PGM3: variants seen among roughly 807,000 people sequenced by gnomAD.
PGM3 encodes phosphoglucomutase 3.
PGM3 carries 40 observed loss-of-function variants against 66.2 expected under a neutral mutation model. The ratio of observed to expected loss-of-function variants is 0.60; its 90% confidence interval spans 0.47 to 0.79. The LOEUF (loss-of-function observed/expected upper bound fraction) is 0.79. Among genes scored for constraint, PGM3 ranks in the 30% least tolerant of loss-of-function variants. PGM3 has a pLI of 0.00. For missense variants in PGM3, 537 were observed against 643.4 expected (o/e 0.83, Z 1.79); for synonymous variants, 191 against 224.2 (o/e 0.85, Z 1.32).
the PGM3 span, chr6:83,151,545 C>A: frequency 1.3e-6 from 2 of 1,506,006 alleles, no homozygotes; most frequent in Non-Finnish European, 1.8e-6. Context: ...GCATTAGTTT[C>A]TTTTAGCCTG....
At chr6:83,152,289 T>C in the PGM3 span, 2 of 1,548,246 alleles carry the variant, frequency 1.3e-6, no homozygotes, top group Non-Finnish European at 1.8e-6. Context: ...TATTTATAGA[T>C]ATGTTATCAC....
intron 8 of PGM3, among the ~76,000 whole-genome samples, chr6:83,176,299 G>A (rs966131042): frequency 3.9e-5 from 6 of 152,176 alleles, no homozygotes; most frequent in African/African-American, 9.7e-5. Flanking sequence ...TATAAGACAC[G>A]AAAGATTACA....
intron 10 of PGM3, among the ~76,000 whole-genome samples, chr6:83,173,437 T>G (rs988092998): frequency 6.6e-6 from 1 of 152,208 alleles, no homozygotes; most frequent in Non-Finnish European, 1.5e-5. Flanking sequence ...CCTTTTGAGA[T>G]ATTACCCCAC....
chr6:83,159,885 A>G (rs772697943), downstream of PGM3: 3 of 1,613,874 alleles, frequency 1.9e-6, no homozygotes, highest in African/African-American at 4.0e-5. Context: ...CGGTGGTTAA[A>G]CCTCTATCTC....
At chr6:83,191,052 T>A in intron 1 of PGM3, 38 bp from the exon 2 acceptor site, 1 of 1,580,002 alleles carries the variant, frequency 6.3e-7, no homozygotes, top group Admixed American at 1.7e-5. Context: ...GCATAACAAG[T>A]AATTTCTTAA....
downstream of PGM3, chr6:83,164,771 T>C (rs117358021): frequency 0.023 from 33,804 of 1,477,768 alleles, 477 homozygotes; most frequent in South Asian, 0.035. Flanking sequence ...TTGCCAAATA[T>C]TGAGACACAA....
At chr6:83,184,007 C>T (rs1430355546) in intron 4 of PGM3, among the ~76,000 whole-genome samples, 5 of 152,118 alleles carry the variant, frequency 3.3e-5, no homozygotes, top group African/African-American at 9.7e-5. Context: ...TGAGCCACCA[C>T]ACCCGGCCTG....
chr6:83,158,439 A>C (rs1261923980), downstream of PGM3: 1 of 759,808 alleles, frequency 1.3e-6, no homozygotes, highest in African/African-American at 1.8e-5. Flanking sequence ...GAAACTAAGT[A>C]TAATTTAAAA....
chr6:83,149,169 A>C, the PGM3 span, among the ~76,000 whole-genome samples: 2 of 152,310 alleles, frequency 1.3e-5, no homozygotes, highest in East Asian at 3.9e-4. Context: ...GGGGTGATGT[A>C]GCATGGCTGA....
chr6:83,188,418 C>T, intron 3 of PGM3, 196 bp downstream of exon 3: 1 of 505,660 alleles, frequency 2.0e-6, no homozygotes, highest in Non-Finnish European at 3.5e-6. Flanking sequence ...GGGTTTTAAA[C>T]CAGAGTCAGA....
At chr6:83,151,914 G>T in the PGM3 span, 3 of 1,613,350 alleles carry the variant, frequency 1.9e-6, no homozygotes, top group Non-Finnish European at 2.5e-6. Flanking sequence ...GATGCAATTG[G>T]TGCAATTGCT....
chr6:83,174,562 A>G, intron 9 of PGM3, 75 bp from the exon 10 acceptor site: 2 of 712,240 alleles, frequency 2.8e-6, no homozygotes, highest in Non-Finnish European at 4.5e-6. Context: ...ATTCTAGCTA[A>G]CCCACTTTTC....
At position 83,178,718 on chromosome 6, in the gene PGM3, T is replaced by C. The variant is rs746481255; in HGVS notation, c.984A>G (p.Ala328=). 49 of 1,604,308 alleles carry C rather than the reference T, an allele frequency of 3.1e-5. No homozygotes were observed. Among genetic ancestry groups the C allele is most frequent in the Non-Finnish European group, 4.0e-5 (47 of 1,171,342 alleles). ...ACCGTGTTGAACTTCCATTTGCATATGCAGTTTGTACAACACCAATATTCA... is the reference window on the plus strand; with the variant it reads ...ACCGTGTTGAACTTCCATTTGCATACGCAGTTTGTACAACACCAATATTCA... ...ESLNIGVVQT[A]YANGSSTRYL... The change falls in exon 8 of 13, where the codon GCA becomes GCG. Residue 328 remains alanine, a synonymous_variant. Transcript: ENST00000513973.
chr6:83,157,553 T>G (rs1274800553), downstream of PGM3, among the ~76,000 whole-genome samples: 6 of 152,188 alleles, frequency 3.9e-5, no homozygotes, highest in Non-Finnish European at 8.8e-5. Flanking sequence ...AATGATTACT[T>G]TCTTGGATCT....
rs764402698 is a variant in PGM3, at chr6:83,168,007, G to A, written c.*1227C>T. The stretch of plus-strand genomic sequence containing the variant: ...CAAGTCTTCAACAGCAAAGTCACAA[G>A]CCGATGTGGAGGACACTCAGGGAGT... On this transcript the variant is annotated 3_prime_UTR_variant, in exon 13 of 13. Transcript: ENST00000513973. 17 of 1,614,040 alleles carry A rather than the reference G, an allele frequency of 1.1e-5. No homozygotes were observed. The highest frequency in any genetic ancestry group is 9.9e-5 in the South Asian group (9 of 91,090).
At position 83,169,985 on chromosome 6, in the gene PGM3, AAGAAG is replaced by A. The variant is rs138474339; in HGVS notation, c.1539+315_1539+319del. 5.8e-4 allele frequency: 231 copies of A among 396,492 alleles called. 1 individual carries two copies. The highest frequency in any genetic ancestry group is 4.6e-3 in the African/African-American group (222 of 48,768). The allele number at this position is 396,492 out of a possible 1,614,324, so 24.6% of individuals were successfully genotyped here. A position where few individuals can be genotyped will look rare whatever the true frequency, so the allele number is the denominator to read the frequency against. Reference sequence around the variant, plus strand: ...TCATGTCACAAGAGTATATTTTTAAAAGAAGAGAAAAGGATCATCTACCTTATAGT... The same window carrying A: ...TCATGTCACAAGAGTATATTTTTAAAAGAAAAGGATCATCTACCTTATAGT... On this transcript the variant is annotated intron_variant, in intron 12 of 12. Transcript: ENST00000513973.
Position 83,190,599 on chromosome 6 carries a change from C to T in PGM3, c.204+210G>A, listed in dbSNP as rs1788967780. The stretch of plus-strand genomic sequence containing the variant: ...CTAATATGGACACTCCAAAAAATGA[C>T]AGTATCTTTTCATTCTTTCCACACC... On this transcript the variant is annotated intron_variant, in intron 2 of 12. Coordinates refer to ENST00000513973, the MANE Select transcript of PGM3 (RefSeq NM_015599.3). 8.7e-6 allele frequency: 5 copies of T among 575,782 alleles called. No homozygotes were observed. The South Asian group carries it at 1.1e-4, about 13-fold the overall frequency. 35.7% of individuals were successfully genotyped at this position (575,782 alleles called of 1,614,324 possible).
rs1787245589 is a variant in PGM3, at chr6:83,172,019, G to A, written c.1283C>T (p.Ala428Val). The change falls in exon 11 of 13, where the codon GCA becomes GTA. Residue 428 changes from alanine (A) to valine (V), a missense_variant. Physicochemically the swap from Ala to Val is moderately conservative, Grantham distance 64 (BLOSUM62 0). Coordinates refer to ENST00000513973, the MANE Select transcript of PGM3 (RefSeq NM_015599.3). ...AGTCAAGCCCTTCAGAGCCAAGATT[G>A]CTTCAATCACCAGCATGTCAGAAAT... ...DAISDMLVIE[A>V]ILALKGLTVQ... is the part of the protein sequence containing the mutation. 3 of 1,613,452 alleles carry A rather than the reference G, an allele frequency of 1.9e-6. No individual in the cohort carries two copies. Among genetic ancestry groups the A allele is most frequent in the Non-Finnish European group, 2.5e-6 (3 of 1,179,522 alleles).
chr6:83,155,804 C>T, the PGM3 span: 1 of 871,426 alleles, frequency 1.1e-6, no homozygotes, highest in Non-Finnish European at 1.7e-6. Context: ...GTTTGCCAGC[C>T]TGTCTGCCCC....
Sources: allele counts gnomAD v4.1 joint callset (sites outside exome capture counted in the v4.1 genomes callset), GRCh38; gene constraint gnomAD v4.1.1; transcripts MANE v1.5; gene names NCBI Gene and HGNC (gene_info 2026-07-23, HGNC 2026-07-21).